STXBP5: variants seen among roughly 807,000 people sequenced by gnomAD.
STXBP5 encodes the protein syntaxin-binding protein 5.
In STXBP5, 50 loss-of-function variants were observed where a neutral mutation model predicts 152.4. The observed-to-expected ratio is 0.33, with a 90% CI of 0.26 to 0.42. The LOEUF (loss-of-function observed/expected upper bound fraction) is 0.42, where lower values mean the gene tolerates loss of function less well. Ranked by LOEUF, STXBP5 falls within the 10% of genes least tolerant of loss-of-function variation. The pLI is 1.00. For missense variants in STXBP5, 1,167 were observed against 1,388.6 expected, an observed-to-expected ratio of 0.84 and a Z score of 2.54; for synonymous variants, 492 against 494.7, an observed-to-expected ratio of 0.99 and a Z score of 0.07.
At chr6:147,368,500 A>G (rs901882680) in intron 25 of STXBP5, among the ~76,000 whole-genome samples, 2 of 152,098 alleles carry the variant, frequency 1.3e-5, no homozygotes, top group Non-Finnish European at 2.9e-5. Context: ...TGTAAGAAAA[A>G]CCCACATCTC....
rs73586348 is a variant in STXBP5, at chr6:147,332,447, G to T, written c.2081-1710G>T. 3.8e-3 allele frequency among the ~76,000 whole-genome samples: 573 copies of T among 152,296 alleles called. 3 individuals carry two copies. Among genetic ancestry groups the T allele is most frequent in the African/African-American group, 0.013 (549 of 41,572 alleles). On this transcript the variant is annotated intron_variant, in intron 18 of 27. Transcript: ENST00000321680. The stretch of plus-strand genomic sequence containing the variant: ...CTAGATGATTTCAGGTTTAAAGGAC[G>T]TGAGAGAGCTATTATCCATGAGGAT...
At chr6:147,245,592 T>C (rs1778771854) in intron 4 of STXBP5, among the ~76,000 whole-genome samples, 1 of 152,186 alleles carries the variant, frequency 6.6e-6, no homozygotes, top group Non-Finnish European at 1.5e-5. Context: ...CTGTTACAGA[T>C]TGAATTGTTT....
intron 2 of STXBP5, among the ~76,000 whole-genome samples, chr6:147,234,361 C>T (rs1487572825): frequency 6.6e-6 from 1 of 151,146 alleles, no homozygotes; most frequent in Non-Finnish European, 1.5e-5. Flanking sequence ...TACAAATGTA[C>T]AGTTTTTTTT....
chr6:147,349,275 C>G (rs1168023699), intron 21 of STXBP5, among the ~76,000 whole-genome samples: 1 of 152,084 alleles, frequency 6.6e-6, no homozygotes, highest in Non-Finnish European at 1.5e-5. Context: ...TGTTGTAGAA[C>G]AGGCAAAACT....
Position 147,385,263 on chromosome 6 carries a change from T to TG in STXBP5, c.*509dup, listed in dbSNP as rs1786284966. On this transcript the variant is annotated 3_prime_UTR_variant, in exon 28 of 28. Transcript: ENST00000321680. The stretch of plus-strand genomic sequence containing the variant: ...ACTGACTGGTCATCAGTATCATTAG[T>TG]GAAAAAGAAACAAATTGTTTGTTAT... 1 of 152,684 alleles carries TG rather than the reference T, an allele frequency of 6.5e-6. No homozygotes were observed. Among genetic ancestry groups the TG allele is most frequent in the African/African-American group, 2.4e-5 (1 of 41,446 alleles). 9.5% of individuals were successfully genotyped at this position (152,684 alleles called of 1,614,324 possible).
At chr6:147,217,458 G>A (rs1443957327) in intron 2 of STXBP5, among the ~76,000 whole-genome samples, 3 of 152,190 alleles carry the variant, frequency 2.0e-5, no homozygotes, top group Non-Finnish European at 2.9e-5. Context: ...GTAAATAGTA[G>A]TTTGAGCAAG....
At chr6:147,382,720 T>TTA in intron 26 of STXBP5, 58 bp from the exon 27 acceptor site, 1 of 1,558,932 alleles carries the variant, frequency 6.4e-7, no homozygotes, top group South Asian at 1.2e-5. Context: ...TAGTAGGATT[T>TTA]TATATTAGTA....
At chr6:147,281,936 A>C (rs1206227405) in intron 8 of STXBP5, among the ~76,000 whole-genome samples, 1 of 152,186 alleles carries the variant, frequency 6.6e-6, no homozygotes, top group African/African-American at 2.4e-5. Flanking sequence ...CTCATCCATG[A>C]ATACAAATAA....
chr6:147,343,823 T>C (rs1013669472), intron 21 of STXBP5, among the ~76,000 whole-genome samples: 13 of 152,244 alleles, frequency 8.5e-5, no homozygotes, highest in Non-Finnish European at 1.6e-4. Context: ...ATTTCTACTT[T>C]ACATTCCCCA....
rs529554742 is a variant in STXBP5, at chr6:147,353,839, G to A, written c.2305+466G>A. On this transcript the variant is annotated intron_variant, in intron 22 of 27. Coordinates refer to ENST00000321680, the MANE Select transcript of STXBP5 (RefSeq NM_001127715.4). Reference sequence around the variant, plus strand: ...TAACTTTTTGATTATAATAAGTTGGGAAATATTTCTTCCACAGCACTTTCT... The same window carrying A: ...TAACTTTTTGATTATAATAAGTTGGAAAATATTTCTTCCACAGCACTTTCT... Among the ~76,000 whole-genome samples, 74 of 152,176 alleles carry A rather than the reference G, an allele frequency of 4.9e-4. 1 individual carries two copies. Among genetic ancestry groups the A allele is most frequent in the Middle Eastern group, 3.4e-3 (1 of 294 alleles).
intron 4 of STXBP5, among the ~76,000 whole-genome samples, chr6:147,240,418 T>C (rs1778485347): frequency 6.6e-6 from 1 of 152,186 alleles, no homozygotes; most frequent in Non-Finnish European, 1.5e-5. Flanking sequence ...AATATTTATG[T>C]AGTTAGCATT....
chr6:147,374,284 T>TA (rs1443741362), intron 26 of STXBP5, among the ~76,000 whole-genome samples: 1 of 152,216 alleles, frequency 6.6e-6, no homozygotes, highest in African/African-American at 2.4e-5. Context: ...ACGTAGTTGA[T>TA]ACAAGTAAAT....
At chr6:147,265,528 G>T (rs764604332) in intron 6 of STXBP5, among the ~76,000 whole-genome samples, 1 of 152,092 alleles carries the variant, frequency 6.6e-6, no homozygotes, top group Non-Finnish European at 1.5e-5. Flanking sequence ...GAGGAACTGG[G>T]TAGACTTAAC....
At chr6:147,209,035 CTT>C (rs1562408694) in intron 2 of STXBP5, among the ~76,000 whole-genome samples, 1 of 151,996 alleles carries the variant, frequency 6.6e-6, no homozygotes, top group Non-Finnish European at 1.5e-5. Flanking sequence ...ATGTTACTGT[CTT>C]TATCTAGACT....
chr6:147,319,723 T>C (rs182674772), intron 16 of STXBP5, among the ~76,000 whole-genome samples: 3 of 152,130 alleles, frequency 2.0e-5, no homozygotes, highest in Admixed American at 2.0e-4. Flanking sequence ...GTTCAGACTT[T>C]AAAGACACAC....
intron 16 of STXBP5, among the ~76,000 whole-genome samples, chr6:147,321,015 A>C (rs1239992219): frequency 6.6e-6 from 1 of 152,162 alleles, no homozygotes; most frequent in Non-Finnish European, 1.5e-5. Flanking sequence ...GAGTCATGAG[A>C]GAGATAACTA....
Position 147,352,261 on chromosome 6 carries a change from G to GATCAC in STXBP5, c.2255-1062_2255-1061insATCAC, listed in dbSNP as rs1234520038. ...AAGAGTTAACTTATATCAAGGAGTG[G>GATCAC]TTGAGTCAGATATTGTATAATGTAA... On this transcript the variant is annotated intron_variant, in intron 21 of 27. Coordinates refer to ENST00000321680, the MANE Select transcript of STXBP5 (RefSeq NM_001127715.4). 2.0e-5 allele frequency among the ~76,000 whole-genome samples: 3 copies of GATCAC among 152,180 alleles called. No homozygotes were observed. In the East Asian group the frequency reaches 5.8e-4, roughly 29 times the overall value.
chr6:147,322,037 TAA>T (rs1782963032), intron 16 of STXBP5, among the ~76,000 whole-genome samples: 1 of 152,218 alleles, frequency 6.6e-6, no homozygotes. Flanking sequence ...CCTGGTCACT[TAA>T]ATCTTAAATG....
At chr6:147,279,325 AG>A (rs1335726929) in intron 8 of STXBP5, among the ~76,000 whole-genome samples, 3 of 152,144 alleles carry the variant, frequency 2.0e-5, no homozygotes, top group Non-Finnish European at 4.4e-5. Flanking sequence ...CTTCCTGGCA[AG>A]TTTAGGGAAC....
Sources: gnomAD v4.1 joint callset for allele counts (sites outside exome capture counted in the v4.1 genomes callset) on GRCh38, gnomAD v4.1.1 for gene constraint, MANE v1.5 for transcripts, NCBI Gene and HGNC (gene_info 2026-07-23, HGNC 2026-07-21) for gene names.